Variants in ANKS1B observed in about 807,000 individuals in gnomAD.
ANKS1B encodes ankyrin repeat and sterile alpha motif domain containing 1B.
ANKS1B carries 36 observed loss-of-function variants against 148.3 expected under a neutral mutation model. The ratio of observed to expected loss-of-function variants is 0.24; its 90% confidence interval spans 0.19 to 0.32. ANKS1B has a LOEUF of 0.32. ANKS1B is among the 10% of genes least tolerant of loss of function. The probability of loss-of-function intolerance (pLI) is 1.00; values close to 1 mark genes in which losing one functional copy is unlikely to be tolerated. For synonymous variants in ANKS1B, 542 were observed against 560.8 expected (o/e 0.97, Z 0.47); for missense variants, 1,157 against 1,542.6 (o/e 0.75, Z 4.19).
intron 12 of ANKS1B, among the ~76,000 whole-genome samples, chr12:99,262,397 A>C (rs1338960667): frequency 1.3e-5 from 2 of 152,102 alleles, no homozygotes; most frequent in South Asian, 4.1e-4. Flanking sequence ...AAATATATAG[A>C]TATTTGCATG....
chr12:99,428,731 A>G (rs1567083107), intron 11 of ANKS1B, among the ~76,000 whole-genome samples: 1 of 152,192 alleles, frequency 6.6e-6, no homozygotes. Context: ...GAACAGTGAC[A>G]TCCCAGTAGC....
chr12:98,788,451 C>T (rs2098818000), intron 22 of ANKS1B, among the ~76,000 whole-genome samples: 1 of 152,052 alleles, frequency 6.6e-6, no homozygotes. Context: ...AGTTTGGGTT[C>T]TCATCTGTCA....
At chr12:99,202,608 T>C (rs2082196458) in intron 14 of ANKS1B, among the ~76,000 whole-genome samples, 1 of 152,234 alleles carries the variant, frequency 6.6e-6, no homozygotes, top group Admixed American at 6.5e-5. Context: ...AATGGAAAAG[T>C]AATAATCTCT....
At chr12:98,957,388 C>G (rs1262692955) in intron 17 of ANKS1B, among the ~76,000 whole-genome samples, 1 of 151,668 alleles carries the variant, frequency 6.6e-6, no homozygotes, top group African/African-American at 2.4e-5. Flanking sequence ...CTCTCTGTTG[C>G]CCAGGCTGGA....
At position 98,772,651 on chromosome 12, in the gene ANKS1B, G is replaced by T. The variant is rs572264892; in HGVS notation, c.3579+391C>A. ...TAGCACAGGAAAGACCCACCCCCAC[G>T]ATTCAATTACCTCCCACTGGGTTCC... On this transcript the variant is annotated intron_variant, in intron 25 of 26. Transcript: ENST00000683438. Among the ~76,000 whole-genome samples the T allele has an allele frequency of 3.9e-5, 6 of 152,216 alleles. No homozygotes were observed. The South Asian group carries it at 1.2e-3, about 32-fold the overall frequency.
intron 15 of ANKS1B, among the ~76,000 whole-genome samples, chr12:99,141,566 T>G (rs1280618596): frequency 6.6e-6 from 1 of 152,028 alleles, no homozygotes; most frequent in Non-Finnish European, 1.5e-5. Context: ...TTCTTCCTGA[T>G]GCTCTCCCTC....
chr12:99,524,172 CA>C (rs1485858368), intron 9 of ANKS1B, among the ~76,000 whole-genome samples: 1 of 152,030 alleles, frequency 6.6e-6, no homozygotes, highest in Non-Finnish European at 1.5e-5. Context: ...TGAAGATTTA[CA>C]ATGACATTCA....
chr12:98,847,796 A>AT (rs1298004956), intron 17 of ANKS1B, among the ~76,000 whole-genome samples: 3 of 152,062 alleles, frequency 2.0e-5, no homozygotes, highest in Admixed American at 6.5e-5. Flanking sequence ...GGGTTTTGTC[A>AT]TGTTGGTCAG....
chr12:99,243,362 A>G (rs965403493), intron 14 of ANKS1B, among the ~76,000 whole-genome samples: 2 of 152,216 alleles, frequency 1.3e-5, no homozygotes, highest in Non-Finnish European at 2.9e-5. Flanking sequence ...GCGATCATTA[A>G]AAAGTCAGGA....
At chr12:99,838,576 C>T (rs913400710) in intron 1 of ANKS1B, among the ~76,000 whole-genome samples, 2 of 151,966 alleles carry the variant, frequency 1.3e-5, no homozygotes, top group African/African-American at 4.8e-5. Flanking sequence ...AAATATTTCC[C>T]TTATTTCATC....
intron 22 of ANKS1B, among the ~76,000 whole-genome samples, chr12:98,788,118 A>G (rs1000109138): frequency 2.0e-5 from 3 of 150,880 alleles, no homozygotes; most frequent in African/African-American, 7.3e-5. Context: ...AACTTCAAAG[A>G]TTTTGGCTGG....
rs529051939 is a variant in ANKS1B at position 99,244,325 on chromosome 12, G to A, written c.2419+17C>T. ...AAGCACATTTATTCATTATAATGTA[G>A]AGGAAGGTTGCCTTACTTGTGGTCT... On this transcript the variant is annotated intron_variant, in intron 14 of 26. Transcript: ENST00000683438. 6.3e-7 allele frequency: 1 copy of A among 1,577,390 alleles called. No individual in the cohort carries two copies.
intron 17 of ANKS1B, among the ~76,000 whole-genome samples, chr12:98,957,614 G>A (rs1275490870): frequency 6.6e-6 from 1 of 152,056 alleles, no homozygotes; most frequent in Admixed American, 6.6e-5. Flanking sequence ...CCAAAGTGCT[G>A]GGATTACAGG....
In ANKS1B at chr12:99,906,690, T is replaced by C. The variant is rs573760122; in HGVS notation, c.134+77414A>G. On this transcript the variant is annotated intron_variant, in intron 1 of 26. Coordinates refer to ENST00000683438, the MANE Select transcript of ANKS1B (RefSeq NM_001352186.2). ...TATATTTCATCCTATCATTAAACAG[T>C]ACTGGATTCAAAGTAAAACTCAGTG... Among the ~76,000 whole-genome samples the C allele has an allele frequency of 3.5e-4, 53 of 152,358 alleles. No individual in the cohort carries two copies. In the South Asian group the frequency reaches 0.011, roughly 32 times the overall value.
chr12:99,305,500 T>G (rs2082217336), intron 12 of ANKS1B, among the ~76,000 whole-genome samples: 1 of 152,084 alleles, frequency 6.6e-6, no homozygotes, highest in Admixed American at 6.6e-5. Context: ...TGTGGGAATA[T>G]TTTAGCTCTG....
At position 98,882,258 on chromosome 12, in the gene ANKS1B, A is replaced by G. The variant is rs536396056; in HGVS notation, c.2779-50122T>C. 3.9e-5 allele frequency among the ~76,000 whole-genome samples: 6 copies of G among 152,312 alleles called. No individual in the cohort carries two copies. In the South Asian group the frequency reaches 1.0e-3, roughly 26 times the overall value. Reference sequence around the variant, plus strand: ...TACACCAAGTGCTACTTTCAGATACAGGGCTACAGTGCTTGAACAATCACC... The same window carrying G: ...TACACCAAGTGCTACTTTCAGATACGGGGCTACAGTGCTTGAACAATCACC... On this transcript the variant is annotated intron_variant, in intron 17 of 26. Transcript: ENST00000683438.
intron 9 of ANKS1B, among the ~76,000 whole-genome samples, chr12:99,548,677 G>A (rs2097192020): frequency 6.6e-6 from 1 of 152,018 alleles, no homozygotes; most frequent in African/African-American, 2.4e-5. Context: ...GAGGGTAGTA[G>A]AAATTTGAAA....
rs535345920 is a variant in ANKS1B, at chr12:99,147,611, G to GT, written c.2526+6677dup. ...TTACTGGGCATTTATTCTATGCCAG[G>GT]TCTGTGCTAAACGCTCTTTGCATTT... On this transcript the variant is annotated intron_variant, in intron 15 of 26. Transcript: ENST00000683438. 3.9e-5 allele frequency among the ~76,000 whole-genome samples: 6 copies of GT among 152,248 alleles called. No homozygotes were observed. The South Asian group carries it at 1.2e-3, about 32-fold the overall frequency.
chr12:98,906,462 G>A (rs572089280), intron 17 of ANKS1B, among the ~76,000 whole-genome samples: 1 of 152,302 alleles, frequency 6.6e-6, no homozygotes, highest in Admixed American at 6.5e-5. Flanking sequence ...ACTGGAAGCT[G>A]CAGGGCAGGA....
Sources: allele counts gnomAD v4.1 joint callset (sites outside exome capture counted in the v4.1 genomes callset), GRCh38; gene constraint gnomAD v4.1.1; transcripts MANE v1.5; gene names NCBI Gene and HGNC (gene_info 2026-07-23, HGNC 2026-07-21).